The following UBE2H variants were observed in gnomAD, a reference collection of about 807,000 sequenced individuals.
UBE2H encodes the protein ubiquitin-conjugating enzyme E2 H.
Under a neutral mutation model 29.0 loss-of-function variants are expected in UBE2H, and 3 were observed. That is an observed-to-expected ratio of 0.10 (90% CI 0.05 to 0.27). The LOEUF (loss-of-function observed/expected upper bound fraction) is 0.27. UBE2H is among the 10% of genes least tolerant of loss of function. UBE2H has a pLI of 1.00. For missense variants in UBE2H, 68 were observed against 228.2 expected (o/e 0.30, Z 4.52); for synonymous variants, 69 against 82.9 (o/e 0.83, Z 0.91).
At chr7:129,849,838 T>C (rs1352018764) in intron 5 of UBE2H, among the ~76,000 whole-genome samples, 1 of 152,074 alleles carries the variant, frequency 6.6e-6, no homozygotes, top group African/African-American at 2.4e-5. Context: ...ATTCATACAA[T>C]TACTTGACTG....
At chr7:129,920,873 A>C (rs894817806) in intron 1 of UBE2H, among the ~76,000 whole-genome samples, 4 of 148,174 alleles carry the variant, frequency 2.7e-5, no homozygotes, top group African/African-American at 9.9e-5. Context: ...AAAAAAAAGC[A>C]ATCTTTAAAA....
At chr7:129,928,866 T>G (rs910457254) in intron 1 of UBE2H, among the ~76,000 whole-genome samples, 1 of 152,194 alleles carries the variant, frequency 6.6e-6, no homozygotes, top group Non-Finnish European at 1.5e-5. Flanking sequence ...TTAAAAAAGA[T>G]ACACAAATAT....
At chr7:129,905,443 A>G (rs1364801331) in intron 1 of UBE2H, among the ~76,000 whole-genome samples, 3 of 152,162 alleles carry the variant, frequency 2.0e-5, no homozygotes, top group Non-Finnish European at 2.9e-5. Flanking sequence ...GACCAGAAAC[A>G]CTGGTACACA....
At chr7:129,889,124 C>T (rs1037346913) in intron 1 of UBE2H, among the ~76,000 whole-genome samples, 4 of 152,136 alleles carry the variant, frequency 2.6e-5, no homozygotes, top group East Asian at 1.9e-4. Flanking sequence ...GACCAGATTA[C>T]GGAGGGCTCC....
chr7:129,864,251 G>C (rs940074393), intron 3 of UBE2H, among the ~76,000 whole-genome samples: 3 of 152,196 alleles, frequency 2.0e-5, no homozygotes, highest in Admixed American at 1.3e-4. Context: ...GACAAGGAGG[G>C]GGGAGACAGA....
intron 5 of UBE2H, among the ~76,000 whole-genome samples, chr7:129,842,248 T>C (rs1805441673): frequency 6.6e-6 from 1 of 152,226 alleles, no homozygotes; most frequent in Middle Eastern, 3.4e-3. Context: ...CTGGCCAACA[T>C]GGCAAAACCC....
intron 1 of UBE2H, among the ~76,000 whole-genome samples, chr7:129,923,986 A>T (rs887642592): frequency 1.3e-5 from 2 of 152,242 alleles, no homozygotes; most frequent in Non-Finnish European, 2.9e-5. Context: ...TGATTCATTC[A>T]CAGAGTAGGC....
At chr7:129,848,381 G>A (rs1310539522) in intron 5 of UBE2H, among the ~76,000 whole-genome samples, 8 of 152,168 alleles carry the variant, frequency 5.3e-5, no homozygotes, top group Non-Finnish European at 7.4e-5. Context: ...TTTCCAAGCC[G>A]AAAATCACAG....
intron 1 of UBE2H, among the ~76,000 whole-genome samples, chr7:129,901,783 A>G (rs1366339813): frequency 1.3e-5 from 2 of 152,040 alleles, no homozygotes; most frequent in Admixed American, 1.3e-4. Flanking sequence ...TTTAGTAGAG[A>G]TGAGGTTTCA....
chr7:129,922,900 T>G (rs1007492559), intron 1 of UBE2H, among the ~76,000 whole-genome samples: 2 of 151,886 alleles, frequency 1.3e-5, no homozygotes, highest in Admixed American at 6.6e-5. Flanking sequence ...TCTGAGATTT[T>G]TCTTTTTTTT....
chr7:129,941,998 C>T (rs1053517147), intron 1 of UBE2H, among the ~76,000 whole-genome samples: 1 of 151,112 alleles, frequency 6.6e-6, no homozygotes, highest in African/African-American at 2.4e-5. Flanking sequence ...CCGCTTGAGC[C>T]CAGGAGTTGG....
chr7:129,946,542 A>C (rs892449624), intron 1 of UBE2H, among the ~76,000 whole-genome samples: 1 of 152,214 alleles, frequency 6.6e-6, no homozygotes, highest in Admixed American at 6.5e-5. Flanking sequence ...CCTGGACCAG[A>C]AGCATCATCT....
chr7:129,865,164 T>A, intron 3 of UBE2H: 1 of 347,094 alleles, frequency 2.9e-6, no homozygotes, highest in South Asian at 2.4e-5. Context: ...GCCTTGCTTT[T>A]GCTTGTTCCA....
At chr7:129,902,468 C>G (rs1563040480) in intron 1 of UBE2H, among the ~76,000 whole-genome samples, 1 of 152,188 alleles carries the variant, frequency 6.6e-6, no homozygotes, top group Non-Finnish European at 1.5e-5. Flanking sequence ...CCATTGCACT[C>G]CAGCCTGGGC....
At chr7:129,835,757 T>C (rs1805313440) in intron 6 of UBE2H, among the ~76,000 whole-genome samples, 1 of 152,202 alleles carries the variant, frequency 6.6e-6, no homozygotes, top group Non-Finnish European at 1.5e-5. Context: ...CTAAAAACTC[T>C]AAGTGCATAC....
At chr7:129,880,837 A>G (rs1190656910) in intron 2 of UBE2H, 58 bp downstream of exon 2, 1 of 1,487,756 alleles carries the variant, frequency 6.7e-7, no homozygotes, top group Non-Finnish European at 9.2e-7. Context: ...TTGATATTCT[A>G]TTAAGAAACA....
At chr7:129,940,131 A>T (rs762686470) in intron 1 of UBE2H, among the ~76,000 whole-genome samples, 1 of 152,178 alleles carries the variant, frequency 6.6e-6, no homozygotes, top group Non-Finnish European at 1.5e-5. Context: ...TTTTCTATTT[A>T]TATTACCTCA....
intron 1 of UBE2H, among the ~76,000 whole-genome samples, chr7:129,934,589 G>A (rs1249452928): frequency 7.7e-6 from 1 of 130,400 alleles, no homozygotes; most frequent in Non-Finnish European, 1.5e-5. Flanking sequence ...AATGAGCCAA[G>A]ATCATGCCAC....
At chr7:129,922,314 C>T (rs1443204682) in intron 1 of UBE2H, among the ~76,000 whole-genome samples, 1 of 151,140 alleles carries the variant, frequency 6.6e-6, no homozygotes, top group Non-Finnish European at 1.5e-5. Context: ...GAGATGGAGT[C>T]TTGCTCTGGC....
Sources: gnomAD v4.1 joint callset for allele counts (sites outside exome capture counted in the v4.1 genomes callset) on GRCh38, gnomAD v4.1.1 for gene constraint, MANE v1.5 for transcripts, NCBI Gene and HGNC (gene_info 2026-07-23, HGNC 2026-07-21) for gene names.